RCOR3: variants seen among roughly 807,000 people sequenced by gnomAD.
RCOR3 encodes REST corepressor 3.
A neutral mutation model predicts 64.1 loss-of-function variants in RCOR3; 13 were observed. The observed-to-expected ratio is 0.20, with a 90% CI of 0.13 to 0.32. RCOR3 has a LOEUF of 0.32. Among genes scored for constraint, RCOR3 ranks in the 10% least tolerant of loss-of-function variants. RCOR3 has a pLI of 1.00. For missense variants in RCOR3, 489 were observed against 701.2 expected (o/e 0.70, Z 3.42); for synonymous variants, 215 against 239.0 (o/e 0.90, Z 0.93).
At chr1:211,278,392 T>G in intron 6 of RCOR3, 151 bp downstream of exon 6, 18 of 857,370 alleles carry the variant, frequency 2.1e-5, no homozygotes, top group Non-Finnish European at 3.0e-5. Context: ...GCCAAGTGGT[T>G]AGAAGTTTTA....
chr1:211,270,878 C>T (rs1359391188), intron 2 of RCOR3, among the ~76,000 whole-genome samples: 3 of 145,618 alleles, frequency 2.1e-5, no homozygotes, highest in African/African-American at 5.1e-5. Flanking sequence ...TTTTTTGAGA[C>T]GGAGTCTCGC....
At chr1:211,262,252 G>A (rs1553249517) in intron 2 of RCOR3, among the ~76,000 whole-genome samples, 2 of 151,692 alleles carry the variant, frequency 1.3e-5, no homozygotes, top group Non-Finnish European at 2.9e-5. Flanking sequence ...TGGCCAGGCT[G>A]CTCTCGAACT....
chr1:211,263,771 A>G (rs1305868054), intron 2 of RCOR3, among the ~76,000 whole-genome samples: 1 of 152,142 alleles, frequency 6.6e-6, no homozygotes, highest in Admixed American at 6.6e-5. Context: ...AGGTGAGAAT[A>G]TAAACATTAC....
At chr1:211,304,982 T>A (rs898646798) in intron 10 of RCOR3, among the ~76,000 whole-genome samples, 12 of 152,150 alleles carry the variant, frequency 7.9e-5, no homozygotes, top group Non-Finnish European at 1.6e-4. Context: ...CTTTTTTTTT[T>A]AATCTAGGTT....
chr1:211,262,428 C>G (rs1694482993), intron 2 of RCOR3, among the ~76,000 whole-genome samples: 1 of 152,104 alleles, frequency 6.6e-6, no homozygotes. Context: ...AAGAATTATT[C>G]TGGATATATT....
intron 8 of RCOR3, among the ~76,000 whole-genome samples, chr1:211,290,887 G>A (rs891716336): frequency 6.6e-6 from 1 of 152,046 alleles, no homozygotes; most frequent in Non-Finnish European, 1.5e-5. Flanking sequence ...TTAGGAAACT[G>A]CTGAAGGACT....
intron 7 of RCOR3, among the ~76,000 whole-genome samples, chr1:211,285,559 G>A (rs897756573): frequency 6.6e-6 from 1 of 152,164 alleles, no homozygotes; most frequent in Non-Finnish European, 1.5e-5. Context: ...AGAATCAAGG[G>A]GAAGGAATAT....
chr1:211,291,981 C>T (rs894887093), intron 8 of RCOR3, among the ~76,000 whole-genome samples: 2 of 151,932 alleles, frequency 1.3e-5, no homozygotes, highest in African/African-American at 2.4e-5. Flanking sequence ...AATAGCCAAA[C>T]GTGGTTGTGT....
chr1:211,289,815 G>A (rs938271623), intron 8 of RCOR3, among the ~76,000 whole-genome samples: 1 of 152,140 alleles, frequency 6.6e-6, no homozygotes, highest in Non-Finnish European at 1.5e-5. Flanking sequence ...AGTACTAGTA[G>A]TATTGTAAGG....
chr1:211,307,286 C>G (rs537760388), intron 10 of RCOR3, among the ~76,000 whole-genome samples: 1 of 152,102 alleles, frequency 6.6e-6, no homozygotes, highest in Middle Eastern at 3.4e-3. Context: ...GCCAGGAGTT[C>G]AAGACCAGCC....
At chr1:211,286,421 CCTCA>C (rs1315582113) in intron 7 of RCOR3, among the ~76,000 whole-genome samples, 1 of 151,952 alleles carries the variant, frequency 6.6e-6, no homozygotes, top group East Asian at 1.9e-4. Context: ...GATTCTCCTG[CCTCA>C]GCCTCCTGAG....
At chr1:211,289,472 C>A in intron 8 of RCOR3, 76 bp downstream of exon 8, 1 of 1,209,764 alleles carries the variant, frequency 8.3e-7, no homozygotes, top group African/African-American at 1.5e-5. Flanking sequence ...CTAGGTTGAG[C>A]TCAGTTGTTT....
chr1:211,279,425 A>G, intron 7 of RCOR3, 109 bp downstream of exon 7: 1 of 700,494 alleles, frequency 1.4e-6, no homozygotes, highest in Non-Finnish European at 2.4e-6. Flanking sequence ...TTTATGAGAT[A>G]GTAAATTTCA....
chr1:211,285,276 A>G (rs1698375719), intron 7 of RCOR3, among the ~76,000 whole-genome samples: 1 of 152,226 alleles, frequency 6.6e-6, no homozygotes, highest in Admixed American at 6.5e-5. Flanking sequence ...TTTTGTTTCA[A>G]CATCAAGTAG....
chr1:211,290,179 C>G (rs188436567), intron 8 of RCOR3, among the ~76,000 whole-genome samples: 1 of 152,086 alleles, frequency 6.6e-6, no homozygotes, highest in Admixed American at 6.5e-5. Context: ...TCTGTACTTT[C>G]TTGGTCTATA....
chr1:211,300,071 CTTTTTTTT>C (rs11419492), intron 9 of RCOR3, among the ~76,000 whole-genome samples: 1 of 121,300 alleles, frequency 8.2e-6, no homozygotes, highest in Non-Finnish European at 1.7e-5. Flanking sequence ...TTCTTTCTTT[CTTTTTTTT>C]TTTTTTTTTT....
chr1:211,262,033 C>CTTTTTTTTTTTTTTTTTT lies in RCOR3; in HGVS notation c.223+1874_223+1891dup, dbSNP rs1196587722. ...GCCTCAGTATTCCTAGCTATAAAAA[C>CTTTTTTTTTTTTTTTTTT]TTTTTTTTTTTTTTTTTTTTTTGAG... On this transcript the variant is annotated intron_variant, in intron 2 of 11. Transcript: ENST00000419091. 4.6e-5 allele frequency among the ~76,000 whole-genome samples: 3 copies of CTTTTTTTTTTTTTTTTTT among 65,514 alleles called. 1 individual carries two copies. The highest frequency in any genetic ancestry group is 1.9e-4 in the African/African-American group (3 of 16,172). 43.0% of individuals were successfully genotyped at this position (65,514 alleles called of 152,430 possible). A position where few individuals can be genotyped will look rare whatever the true frequency, so the allele number is the denominator to read the frequency against.
intron 2 of RCOR3, among the ~76,000 whole-genome samples, chr1:211,266,093 A>G (rs1695136358): frequency 6.6e-6 from 1 of 152,170 alleles, no homozygotes; most frequent in African/African-American, 2.4e-5. Context: ...GGGAAGTTAA[A>G]GTTGTGAAAA....
At chr1:211,287,166 A>G (rs1698650289) in intron 7 of RCOR3, among the ~76,000 whole-genome samples, 1 of 152,140 alleles carries the variant, frequency 6.6e-6, no homozygotes, top group Non-Finnish European at 1.5e-5. Flanking sequence ...CACTCTTGGG[A>G]GACTTTTTTT....
Sources: allele counts gnomAD v4.1 joint callset (sites outside exome capture counted in the v4.1 genomes callset), GRCh38; gene constraint gnomAD v4.1.1; transcripts MANE v1.5; gene names NCBI Gene and HGNC (gene_info 2026-07-23, HGNC 2026-07-21).